The following MARK2 variants were observed in gnomAD, a reference collection of about 807,000 sequenced individuals.
MARK2 encodes the protein microtubule affinity regulating kinase 2, also known as serine/threonine-protein kinase MARK2.
A neutral mutation model predicts 89.8 loss-of-function variants in MARK2; 16 were observed. The ratio of observed to expected loss-of-function variants is 0.18; its 90% CI spans 0.12 to 0.27. The LOEUF (loss-of-function observed/expected upper bound fraction) is 0.27. Among genes scored for constraint, MARK2 ranks in the 10% least tolerant of loss-of-function variants. MARK2 has a pLI of 1.00. For synonymous variants in MARK2, 382 were observed against 399.5 expected (o/e 0.96, Z 0.52); for missense variants, 621 against 1,049.9 (o/e 0.59, Z 5.65).
chr11:63,844,565 C>T (rs950537160), intron 1 of MARK2, among the ~76,000 whole-genome samples: 2 of 152,226 alleles, frequency 1.3e-5, no homozygotes, highest in African/African-American at 2.4e-5. Context: ...TGTTGAAACT[C>T]GGCCTGCTGC....
intron 1 of MARK2, chr11:63,889,009 C>A (rs1288308641): frequency 7.6e-7 from 1 of 1,308,402 alleles, no homozygotes; most frequent in Non-Finnish European, 1.0e-6. Context: ...CCTCCTCTTT[C>A]TTTCCTCTCA....
chr11:63,856,900 C>T (rs1456391796), intron 1 of MARK2, among the ~76,000 whole-genome samples: 1 of 148,728 alleles, frequency 6.7e-6, no homozygotes, highest in African/African-American at 2.5e-5. Flanking sequence ...CTCTGCCTCC[C>T]GGGTTCACGC....
At position 63,904,123 on chromosome 11, in the gene MARK2, G is replaced by A. The variant is rs1941128191; in HGVS notation, c.1652G>A (p.Ser551Asn). The change falls in exon 15 of 19, where the codon AGT becomes AAT. Residue 551 changes from serine to asparagine, a missense_variant. This residue lies in a region of MARK2 where 397 missense variants were observed against 567.8 expected (regional missense o/e 0.70). Transcript: ENST00000402010. This position sits in a 1 kb window ranked among gnomAD's most constrained non-coding sequence, Gnocchi z 6.3. ...GCCTCTGGGCTGCCCCCCACGGAGAGTAACTGTGAGGTGCCGCGGCCCAGG... is the reference window on the plus strand; with the variant it reads ...GCCTCTGGGCTGCCCCCCACGGAGAATAACTGTGAGGTGCCGCGGCCCAGG... ...NKASGLPPTE[S>N]NCEVPRPSTA... 1.9e-6 allele frequency: 3 copies of A among 1,593,762 alleles called. No individual in the cohort carries two copies. Among genetic ancestry groups the A allele is most frequent in the African/African-American group, 1.3e-5 (1 of 74,712 alleles).
At chr11:63,877,415 C>T (rs1032644535) in intron 1 of MARK2, among the ~76,000 whole-genome samples, 2 of 152,298 alleles carry the variant, frequency 1.3e-5, no homozygotes, top group Middle Eastern at 6.8e-3. Context: ...CCAGCCCAGA[C>T]TCTTTTCATA....
chr11:63,880,654 C>G (rs1939032615), intron 1 of MARK2, among the ~76,000 whole-genome samples: 1 of 152,124 alleles, frequency 6.6e-6, no homozygotes, highest in African/African-American at 2.4e-5. Flanking sequence ...TCATGGGCAG[C>G]AGGAAGTGTG....
chr11:63,868,990 G>A (rs1170562063), intron 1 of MARK2: 1 of 390,642 alleles, frequency 2.6e-6, no homozygotes, highest in African/African-American at 2.1e-5. Flanking sequence ...GTGAGACTAG[G>A]GACCATGTTT....
At chr11:63,890,407 GTTGCTT>G in intron 1 of MARK2, 1 of 489,064 alleles carries the variant, frequency 2.0e-6, no homozygotes, top group Non-Finnish European at 3.5e-6. Context: ...ACCAGTGCTT[GTTGCTT>G]CTCTGGCTCC....
At chr11:63,877,362 C>T (rs1323665463) in intron 1 of MARK2, among the ~76,000 whole-genome samples, 1 of 152,126 alleles carries the variant, frequency 6.6e-6, no homozygotes, top group African/African-American at 2.4e-5. Context: ...CCGCCCGCCT[C>T]AGCCTCCCAG....
intron 1 of MARK2, among the ~76,000 whole-genome samples, chr11:63,892,726 A>AC (rs35107040): frequency 8.2e-6 from 1 of 122,132 alleles, no homozygotes; most frequent in Non-Finnish European, 1.6e-5. Flanking sequence ...CAGACTCTGC[A>AC]TTTTTTTTTT....
chr11:63,863,815 C>G (rs936341887), intron 1 of MARK2, among the ~76,000 whole-genome samples: 1 of 151,882 alleles, frequency 6.6e-6, no homozygotes, highest in African/African-American at 2.4e-5. Flanking sequence ...TTCTGTCACC[C>G]AAGCTGGAGT....
intron 1 of MARK2, among the ~76,000 whole-genome samples, chr11:63,856,265 A>G (rs2016829278): frequency 6.7e-6 from 1 of 148,354 alleles, no homozygotes; most frequent in African/African-American, 2.5e-5. Flanking sequence ...GACCAAAGAT[A>G]ACTGATTTCC....
chr11:63,898,138 T>C, intron 3 of MARK2, 94 bp from the exon 4 acceptor site: 1 of 1,143,590 alleles, frequency 8.7e-7, no homozygotes, highest in Non-Finnish European at 1.3e-6. Flanking sequence ...CCGGTTTTGG[T>C]TTTTTGGGAA....
At position 63,839,487 on chromosome 11, in the gene MARK2, T is replaced by TC; in HGVS notation, c.-15dup. Reference sequence around the variant, plus strand: ...CCTTCCTCCAAGCTTCTCGGTTCCCTCCCCCGAGATACCGGCGCCATGTCC... The same window carrying TC: ...CCTTCCTCCAAGCTTCTCGGTTCCCTCCCCCCGAGATACCGGCGCCATGTCC... On this transcript the variant is annotated 5_prime_UTR_variant, in exon 1 of 19. Transcript: ENST00000402010. 6.7e-7 allele frequency: 1 copy of TC among 1,482,660 alleles called. No homozygotes were observed. The highest frequency in any genetic ancestry group is 9.1e-7 in the Non-Finnish European group (1 of 1,097,230). 91.8% of individuals were successfully genotyped at this position (1,482,660 alleles called of 1,614,324 possible).
intron 1 of MARK2, among the ~76,000 whole-genome samples, chr11:63,862,495 G>A (rs1937861887): frequency 6.6e-6 from 1 of 152,162 alleles, no homozygotes; most frequent in Admixed American, 6.5e-5. Context: ...GGCCTCCTCT[G>A]CCTCCAGTTG....
chr11:63,856,325 T>TTTG (rs1233866087), intron 1 of MARK2, among the ~76,000 whole-genome samples: 2 of 149,728 alleles, frequency 1.3e-5, no homozygotes, highest in African/African-American at 4.9e-5. Flanking sequence ...TTTTTTGTTT[T>TTTG]TTTTTTTTTT....
intron 1 of MARK2, among the ~76,000 whole-genome samples, chr11:63,887,147 C>G (rs1055643196): frequency 6.6e-6 from 1 of 152,232 alleles, no homozygotes; most frequent in African/African-American, 2.4e-5. Context: ...TTCATACCTT[C>G]TGCCTCCTAG....
chr11:63,841,662 C>T (rs549753896), intron 1 of MARK2, among the ~76,000 whole-genome samples: 2 of 152,320 alleles, frequency 1.3e-5, no homozygotes, highest in Non-Finnish European at 2.9e-5. Flanking sequence ...AGGAGGAGGC[C>T]AAGTGACTGA....
rs139426318 is a variant in MARK2, at chr11:63,901,066, C to T, written c.1098C>T (p.Ser366=). The change falls in exon 11 of 19, where the codon TCC becomes TCT. Residue 366 remains serine, a synonymous_variant. Transcript: ENST00000402010. Reference sequence around the variant, plus strand: ...ATCTGCTCCTGGGCTACAAGAGCTCCGAGGTGTGTGCTCCCCGCCCCATTC... The same window carrying T: ...ATCTGCTCCTGGGCTACAAGAGCTCTGAGGTGTGTGCTCCCCGCCCCATTC... The part of the protein sequence containing the change: ...ATYLLLGYKS[S]ELEGDTITLK... 2.2e-5 allele frequency: 35 copies of T among 1,606,296 alleles called. No homozygotes were observed. The African/African-American group carries it at 3.2e-4, about 15-fold the overall frequency.
rs1941708469 is a variant in MARK2, at chr11:63,910,745, T to C, written c.*1508T>C. 6.6e-6 allele frequency: 1 copy of C among 151,502 alleles called. No homozygotes were observed. Among genetic ancestry groups the C allele is most frequent in the Admixed American group, 6.6e-5 (1 of 15,196 alleles). The allele number at this position is 151,502 out of a possible 1,614,324, so 9.4% of individuals were successfully genotyped here. A position where few individuals can be genotyped will look rare whatever the true frequency, so the allele number is the denominator to read the frequency against. On this transcript the variant is annotated 3_prime_UTR_variant, in exon 19 of 19. Transcript: ENST00000402010. Reference sequence around the variant, plus strand: ...GCGATTAAGCCGAGCCCTTGCGTCCTAGGAAGGGGCCTTGCCAACCTCAGC... The same window carrying C: ...GCGATTAAGCCGAGCCCTTGCGTCCCAGGAAGGGGCCTTGCCAACCTCAGC...
Sources: gnomAD v4.1 joint callset for allele counts (sites outside exome capture counted in the v4.1 genomes callset) on GRCh38, gnomAD v4.1.1 for gene constraint, gnomAD v4.1.1 regional missense constraint, Gnocchi (gnomAD v3.1) non-coding constraint, MANE v1.5 for transcripts, NCBI Gene and HGNC (gene_info 2026-07-23, HGNC 2026-07-21) for gene names.